Variants in RELN observed in about 807,000 individuals in gnomAD.
The protein encoded by RELN is reelin.
Under a neutral mutation model 427.6 loss-of-function variants are expected in RELN, and 108 were observed. That is an observed-to-expected ratio of 0.25 (90% CI 0.22 to 0.30). RELN has a LOEUF of 0.30. Ranked by LOEUF, RELN falls within the 10% of genes least tolerant of loss-of-function variation. RELN has a pLI of 1.00. For synonymous variants in RELN, 1,524 were observed against 1,513.4 expected (o/e 1.01, Z -0.16); for missense variants, 3,715 against 4,302.8 (o/e 0.86, Z 3.82).
Position 103,654,072 on chromosome 7 carries a change from C to T in RELN, c.1554+21G>A, listed in dbSNP as rs1217483873. 7.2e-6 allele frequency: 10 copies of T among 1,395,704 alleles called. No individual in the cohort carries two copies. In the Admixed American group the frequency reaches 1.5e-4, roughly 21 times the overall value. The allele number at this position is 1,395,704 out of a possible 1,614,324, so 86.5% of individuals were successfully genotyped here. On this transcript the variant is annotated intron_variant, in intron 13 of 64. Transcript: ENST00000428762. ...GGGTGGTCTGAGGTGGTCTATTTGCCACACAGACTGGCATGTGTACCTTAT... is the reference window on the plus strand; with the variant it reads ...GGGTGGTCTGAGGTGGTCTATTTGCTACACAGACTGGCATGTGTACCTTAT...
chr7:103,535,206 G>T (rs1693412713), intron 46 of RELN, 110 bp downstream of exon 46: 1 of 977,960 alleles, frequency 1.0e-6, no homozygotes, highest in Non-Finnish European at 1.6e-6. Context: ...AATACCATTA[G>T]CAATTAACAA....
At chr7:103,581,415 A>G (rs1831126627) in intron 28 of RELN, among the ~76,000 whole-genome samples, 1 of 152,164 alleles carries the variant, frequency 6.6e-6, no homozygotes, top group Non-Finnish European at 1.5e-5. Context: ...TTACAGGTCT[A>G]GAGATCAAGG....
chr7:103,569,063 T>C lies in RELN; in HGVS notation c.4589-2304A>G, dbSNP rs1051756743. 6.6e-6 allele frequency among the ~76,000 whole-genome samples: 1 copy of C among 152,198 alleles called. No individual in the cohort carries two copies. Among genetic ancestry groups the C allele is most frequent in the Non-Finnish European group, 1.5e-5 (1 of 68,034 alleles). On this transcript the variant is annotated intron_variant, in intron 31 of 64. Transcript: ENST00000428762. This position sits in a 1 kb window ranked among gnomAD's most constrained non-coding sequence, Gnocchi z 4.0. ...TAACTTGCTTCTAATGAATAGAATA[T>C]GGTGGAAGTAATGGTGTGTAACTTT...
chr7:103,940,913 T>C (rs923195330), intron 1 of RELN, among the ~76,000 whole-genome samples: 2 of 152,206 alleles, frequency 1.3e-5, no homozygotes, highest in Admixed American at 1.3e-4. Flanking sequence ...TTCTAACATT[T>C]TGAAGGACAT....
intron 10 of RELN, among the ~76,000 whole-genome samples, chr7:103,689,603 T>C (rs1405384683): frequency 6.6e-6 from 1 of 152,068 alleles, no homozygotes; most frequent in Non-Finnish European, 1.5e-5. Context: ...ACAAACAAAA[T>C]GAAGCAGCTG....
At position 103,989,011 on chromosome 7, in the gene RELN, TG is replaced by T; in HGVS notation, c.226+119del. On this transcript the variant is annotated intron_variant, in intron 1 of 64. Coordinates refer to ENST00000428762, the MANE Select transcript of RELN (RefSeq NM_005045.4). The surrounding 1 kb of genome is among the most constrained non-coding windows in gnomAD (Gnocchi z 4.9). ...TCGCTCCCTGGACCAAGCGCATCGC[TG>T]GGGCCAGGGTTGTCATGGTTCTTGT... The T allele has an allele frequency of 1.1e-6, 1 of 877,408 alleles. No individual in the cohort carries two copies. Among genetic ancestry groups the T allele is most frequent in the Non-Finnish European group, 1.9e-6 (1 of 535,720 alleles). 54.4% of individuals were successfully genotyped at this position (877,408 alleles called of 1,614,324 possible). A position where few individuals can be genotyped will look rare whatever the true frequency, so the allele number is the denominator to read the frequency against.
rs567249774 is a variant in RELN at position 103,549,579 on chromosome 7, C to T, written c.6302+1488G>A. On this transcript the variant is annotated intron_variant, in intron 41 of 64. Transcript: ENST00000428762. Reference sequence around the variant, plus strand: ...CGACAGCTATGCTTCTCTTGGAACACTTGGCTTTCAGGCTACAGCTGATAG... The same window carrying T: ...CGACAGCTATGCTTCTCTTGGAACATTTGGCTTTCAGGCTACAGCTGATAG... 9.2e-5 allele frequency among the ~76,000 whole-genome samples: 14 copies of T among 152,334 alleles called. No homozygotes were observed. In the South Asian group the frequency reaches 2.9e-3, roughly 32 times the overall value.
rs964904699 is a variant in RELN, at chr7:103,809,636, A to G, written c.473+23901T>C. On this transcript the variant is annotated intron_variant, in intron 3 of 64. Transcript: ENST00000428762. ...TAAAAAACTTGGGTTTGGAAAGGAA[A>G]AGAAATTACAGTGCAGTCTTTGACC... Among the ~76,000 whole-genome samples, 3 of 152,200 alleles carry G rather than the reference A, an allele frequency of 2.0e-5. No individual in the cohort carries two copies. The East Asian group carries it at 5.8e-4, about 29-fold the overall frequency.
At chr7:103,950,913 C>G (rs1796317532) in intron 1 of RELN, among the ~76,000 whole-genome samples, 1 of 152,120 alleles carries the variant, frequency 6.6e-6, no homozygotes, top group South Asian at 2.1e-4. Flanking sequence ...TCCATGATTG[C>G]AGCTGTTTTT....
chr7:103,570,586 C>A (rs1435042340), intron 31 of RELN, among the ~76,000 whole-genome samples: 1 of 152,218 alleles, frequency 6.6e-6, no homozygotes, highest in South Asian at 2.1e-4. Flanking sequence ...CCCCTGAGGG[C>A]AGGGATCTAC....
intron 1 of RELN, among the ~76,000 whole-genome samples, chr7:103,931,414 T>C (rs1428146491): frequency 6.6e-6 from 1 of 152,192 alleles, no homozygotes; most frequent in African/African-American, 2.4e-5. Context: ...CTCAGCTCTG[T>C]GAAGCTTACC....
chr7:103,848,334 G>A (rs1027162662), intron 2 of RELN, among the ~76,000 whole-genome samples: 1 of 152,136 alleles, frequency 6.6e-6, no homozygotes, highest in African/African-American at 2.4e-5. Context: ...TACAGCTATT[G>A]ACATTTTCAG....
chr7:103,831,286 A>G lies in RELN; in HGVS notation c.473+2251T>C, dbSNP rs567206100. ...TGAATAAGAGAAAGCATACCAAAAG[A>G]GTCAGTGATCACTATTAAGTTAAAG... On this transcript the variant is annotated intron_variant, in intron 3 of 64. Coordinates refer to ENST00000428762, the MANE Select transcript of RELN (RefSeq NM_005045.4). Among the ~76,000 whole-genome samples, 5 of 152,264 alleles carry G rather than the reference A, an allele frequency of 3.3e-5. No homozygotes were observed. The South Asian group carries it at 6.2e-4, about 19-fold the overall frequency.
chr7:103,954,703 A>C (rs1250401739), intron 1 of RELN, among the ~76,000 whole-genome samples: 1 of 152,220 alleles, frequency 6.6e-6, no homozygotes, highest in Non-Finnish European at 1.5e-5. Context: ...TGTCAGAAAG[A>C]GATATTATAA....
chr7:103,821,558 C>G (rs533585057), intron 3 of RELN, among the ~76,000 whole-genome samples: 1 of 152,230 alleles, frequency 6.6e-6, no homozygotes, highest in African/African-American at 2.4e-5. Flanking sequence ...TTAAAGAATA[C>G]TTTAGCTTTT....
At chr7:103,834,302 C>G (rs754625581) in intron 2 of RELN, among the ~76,000 whole-genome samples, 4 of 152,168 alleles carry the variant, frequency 2.6e-5, no homozygotes, top group Non-Finnish European at 5.9e-5. Context: ...AACAGCAGTC[C>G]TATTTGCATG....
intron 58 of RELN, 97 bp downstream of exon 58, chr7:103,491,856 T>TCTCTCTCA (rs57217576): frequency 6.2e-4 from 178 of 288,548 alleles, no homozygotes; most frequent in African/African-American, 1.1e-3. Context: ...TCTCTCTCTC[T>TCTCTCTCA]CACACACACA....
rs1451685717 is a variant in RELN at position 103,545,320 on chromosome 7, C to T, written c.6327G>A (p.Gln2109=). 6 of 1,613,632 alleles carry T rather than the reference C, an allele frequency of 3.7e-6. No homozygotes were observed. Among genetic ancestry groups the T allele is most frequent in the Non-Finnish European group, 5.1e-6 (6 of 1,179,672 alleles). The change falls in exon 42 of 65, where the codon CAG becomes CAA. Residue 2109 remains glutamine (Q), a synonymous_variant. Coordinates refer to ENST00000428762, the MANE Select transcript of RELN (RefSeq NM_005045.4). ...LCGSVRFRWY[Q]GFYPAGSQPV... Reference sequence around the variant, plus strand: ...GCTGAGAGCCGGCAGGGTAAAATCCCTGGTACCATCTGAAACGGACAGATC... The same window carrying T: ...GCTGAGAGCCGGCAGGGTAAAATCCTTGGTACCATCTGAAACGGACAGATC...
At chr7:103,901,657 T>C (rs1411554885) in intron 2 of RELN, among the ~76,000 whole-genome samples, 3 of 151,996 alleles carry the variant, frequency 2.0e-5, no homozygotes, top group African/African-American at 7.2e-5. Context: ...AAAGGTCACA[T>C]GTTGTATGTT....
Sources: gnomAD v4.1 joint callset for allele counts (sites outside exome capture counted in the v4.1 genomes callset) on GRCh38, gnomAD v4.1.1 for gene constraint, Gnocchi (gnomAD v3.1) non-coding constraint, MANE v1.5 for transcripts, NCBI Gene and HGNC (gene_info 2026-07-23, HGNC 2026-07-21) for gene names.